The following DGKI variants were observed in gnomAD, a reference collection of about 807,000 sequenced individuals.
The protein encoded by DGKI is DAG kinase iota.
DGKI carries 55 observed loss-of-function variants against 147.5 expected under a neutral mutation model. That is an observed-to-expected ratio of 0.37 (90% confidence interval 0.30 to 0.47). The LOEUF (loss-of-function observed/expected upper bound fraction) is 0.47, where lower values mean the gene tolerates loss of function less well. Among genes scored for constraint, DGKI ranks in the 20% least tolerant of loss-of-function variants. The pLI is 1.00. For missense variants in DGKI, 1,007 were observed against 1,323.8 expected (o/e 0.76, Z 3.71); for synonymous variants, 469 against 477.1 (o/e 0.98, Z 0.22).
At chr7:137,825,356 C>T (rs1430707865) in intron 1 of DGKI, among the ~76,000 whole-genome samples, 8 of 152,056 alleles carry the variant, frequency 5.3e-5, no homozygotes, top group African/African-American at 1.7e-4. Flanking sequence ...AATGTCTTCA[C>T]GTTATCCCAT....
At chr7:137,784,767 C>G (rs1334292802) in intron 1 of DGKI, among the ~76,000 whole-genome samples, 1 of 151,980 alleles carries the variant, frequency 6.6e-6, no homozygotes, top group Non-Finnish European at 1.5e-5. Context: ...GAAATTATAT[C>G]AAGTACCCTC....
intron 1 of DGKI, among the ~76,000 whole-genome samples, chr7:137,751,768 T>C (rs76996652): frequency 0.025 from 3,788 of 152,260 alleles, 138 homozygotes; most frequent in Admixed American, 0.11. Flanking sequence ...AAAGCAACTA[T>C]AGACAATATA....
intron 18 of DGKI, among the ~76,000 whole-genome samples, chr7:137,572,257 T>C (rs1036758348): frequency 5.9e-5 from 9 of 152,212 alleles, no homozygotes; most frequent in African/African-American, 1.9e-4. Context: ...TAAATATCCC[T>C]TTCTCCTGAA....
intron 12 of DGKI, among the ~76,000 whole-genome samples, chr7:137,590,521 C>G (rs1025079429): frequency 6.6e-6 from 1 of 152,194 alleles, no homozygotes; most frequent in African/African-American, 2.4e-5. Flanking sequence ...AAAACAACTT[C>G]CTGTGAAGAT....
intron 3 of DGKI, among the ~76,000 whole-genome samples, chr7:137,675,105 A>C (rs973159402): frequency 1.3e-5 from 2 of 152,176 alleles, no homozygotes; most frequent in African/African-American, 4.8e-5. Context: ...CCCAAAAAAG[A>C]CTGTTGTTCT....
intron 28 of DGKI, among the ~76,000 whole-genome samples, chr7:137,439,452 C>A (rs1423536444): frequency 1.3e-5 from 2 of 152,160 alleles, no homozygotes; most frequent in African/African-American, 4.8e-5. Flanking sequence ...TGGTGGCAGG[C>A]AAGAGAGAGC....
intron 8 of DGKI, among the ~76,000 whole-genome samples, chr7:137,618,304 C>A (rs1820622360): frequency 6.7e-6 from 1 of 149,120 alleles, no homozygotes; most frequent in African/African-American, 2.5e-5. Context: ...CTGCATAAAC[C>A]CTGCACTTTG....
In DGKI at chr7:137,747,514, CG is replaced by C. The variant is rs148102427; in HGVS notation, c.402-57513del. 8.8e-3 allele frequency among the ~76,000 whole-genome samples: 1,343 copies of C among 152,230 alleles called. 21 individuals are homozygous for C. The highest frequency in any genetic ancestry group is 0.031 in the African/African-American group (1,276 of 41,538). ...CCTCTCCATTTACACAAGGCATAAC[CG>C]AAGTAACCAGTGGAATCCTCTAGGG... On this transcript the variant is annotated intron_variant, in intron 1 of 32. Coordinates refer to ENST00000614521, the MANE Select transcript of DGKI (RefSeq NM_001321708.2).
chr7:137,589,077 G>T (rs1210624569), intron 12 of DGKI, among the ~76,000 whole-genome samples: 1 of 152,154 alleles, frequency 6.6e-6, no homozygotes, highest in Non-Finnish European at 1.5e-5. Context: ...GACCCTCCTG[G>T]AAGCAGTGGC....
chr7:137,541,941 C>T (rs940880415), intron 20 of DGKI, among the ~76,000 whole-genome samples: 16 of 151,856 alleles, frequency 1.1e-4, no homozygotes, highest in African/African-American at 3.9e-4. Flanking sequence ...CAAAAGATAT[C>T]ACCAAGAGAA....
At chr7:137,560,507 T>C (rs1318860767) in intron 19 of DGKI, among the ~76,000 whole-genome samples, 1 of 152,080 alleles carries the variant, frequency 6.6e-6, no homozygotes, top group Non-Finnish European at 1.5e-5. Flanking sequence ...GGCAGAACAG[T>C]GCTCACCACT....
intron 6 of DGKI, among the ~76,000 whole-genome samples, chr7:137,633,656 T>C (rs1821212747): frequency 6.6e-6 from 1 of 152,208 alleles, no homozygotes; most frequent in Non-Finnish European, 1.5e-5. Context: ...GGTGCCTGAA[T>C]ATCACAAATT....
intron 28 of DGKI, among the ~76,000 whole-genome samples, chr7:137,434,254 C>T (rs928370417): frequency 1.7e-4 from 26 of 152,064 alleles, no homozygotes; most frequent in African/African-American, 6.0e-4. Flanking sequence ...CAAAAGCAAC[C>T]CAATGCAATG....
At chr7:137,578,436 T>A (rs1031882872) in intron 15 of DGKI, 111 bp from the exon 16 acceptor site, 19 of 747,130 alleles carry the variant, frequency 2.5e-5, no homozygotes, top group Middle Eastern at 2.4e-4. Context: ...ATCCAATAGA[T>A]CCCATGGTTT....
At chr7:137,540,690 G>GA (rs1315532953) in intron 20 of DGKI, among the ~76,000 whole-genome samples, 37 of 36,996 alleles carry the variant, frequency 1.0e-3, no homozygotes, top group African/African-American at 1.7e-3. Flanking sequence ...TGTATCAAAA[G>GA]GAAAAAAAAA....
At chr7:137,776,217 G>A (rs1399199490) in intron 1 of DGKI, among the ~76,000 whole-genome samples, 4 of 152,136 alleles carry the variant, frequency 2.6e-5, no homozygotes, top group African/African-American at 7.2e-5. Flanking sequence ...GTGAATCATT[G>A]GAATAGATTG....
intron 28 of DGKI, among the ~76,000 whole-genome samples, chr7:137,423,923 C>G (rs1037173968): frequency 6.6e-6 from 1 of 152,136 alleles, no homozygotes; most frequent in African/African-American, 2.4e-5. Flanking sequence ...GAATGTGCAG[C>G]TTTACATAGG....
chr7:137,766,495 A>G (rs1472322033), intron 1 of DGKI, among the ~76,000 whole-genome samples: 1 of 152,206 alleles, frequency 6.6e-6, no homozygotes. Context: ...TAGCACAAAG[A>G]AAGTTACAAA....
chr7:137,396,280 G>T (rs1233201648), intron 31 of DGKI, among the ~76,000 whole-genome samples: 1 of 152,204 alleles, frequency 6.6e-6, no homozygotes, highest in Non-Finnish European at 1.5e-5. Context: ...GAGGATATCT[G>T]AGAGGCACAG....
Sources: gnomAD v4.1 joint callset for allele counts (sites outside exome capture counted in the v4.1 genomes callset) on GRCh38, gnomAD v4.1.1 for gene constraint, MANE v1.5 for transcripts, NCBI Gene and HGNC (gene_info 2026-07-23, HGNC 2026-07-21) for gene names.